Variants in CLIP1 observed in about 807,000 individuals in gnomAD.
CLIP1 encodes CAP-Gly domain-containing linker protein 1.
CLIP1 carries 66 observed loss-of-function variants against 161.6 expected under a neutral mutation model. That is an observed-to-expected ratio of 0.41 (90% confidence interval 0.33 to 0.50). CLIP1 has a LOEUF of 0.50. Ranked by LOEUF, CLIP1 falls within the 20% of genes least tolerant of loss-of-function variation. CLIP1 has a pLI of 0.27. For missense variants in CLIP1, 1,376 were observed against 1,702.0 expected (o/e 0.81, Z 3.37); for synonymous variants, 598 against 626.2 (o/e 0.96, Z 0.67).
At chr12:122,276,662 T>C in intron 24 of CLIP1, 1 of 334,466 alleles carries the variant, frequency 3.0e-6, no homozygotes, top group Middle Eastern at 8.8e-4. Flanking sequence ...TATTTAAATA[T>C]AAAATGTGGC....
intron 1 of CLIP1, among the ~76,000 whole-genome samples, chr12:122,408,324 A>AT (rs566938658): frequency 1.1e-4 from 17 of 151,580 alleles, no homozygotes; most frequent in Non-Finnish European, 2.4e-4. Flanking sequence ...AAATAACCAC[A>AT]TTTTTTTGAG....
chr12:122,276,601 C>T (rs528554255), intron 24 of CLIP1: 648 of 691,854 alleles, frequency 9.4e-4, no homozygotes, highest in Non-Finnish European at 1.2e-3. Flanking sequence ...TCGTTTTGTG[C>T]CCCTCAAAGG....
Position 122,355,400 on chromosome 12 carries a change from G to C in CLIP1, c.1006-88C>G. On this transcript the variant is annotated intron_variant, in intron 5 of 25. Coordinates refer to ENST00000620786, the MANE Select transcript of CLIP1 (RefSeq NM_001247997.2). The surrounding 1 kb of genome is among the most constrained non-coding windows in gnomAD (Gnocchi z 4.1). Reference sequence around the variant, plus strand: ...ATGCATGCATGGCGGGCATCTGCTCGGCAAAGCAAGGGCGCTGCTCCAGCT... The same window carrying C: ...ATGCATGCATGGCGGGCATCTGCTCCGCAAAGCAAGGGCGCTGCTCCAGCT... The C allele has an allele frequency of 8.3e-7, 1 of 1,198,536 alleles. No individual in the cohort carries two copies. Among genetic ancestry groups the C allele is most frequent in the East Asian group, 2.4e-5 (1 of 41,484 alleles). The allele number at this position is 1,198,536 out of a possible 1,614,324, so 74.2% of individuals were successfully genotyped here. A position where few individuals can be genotyped will look rare whatever the true frequency, so the allele number is the denominator to read the frequency against.
In CLIP1 at chr12:122,354,305, G is replaced by T; in HGVS notation, c.1307+148C>A. 3 of 511,494 alleles carry T rather than the reference G, an allele frequency of 5.9e-6. No individual in the cohort carries two copies. In the South Asian group the frequency reaches 6.2e-5, roughly 11 times the overall value. 31.7% of individuals were successfully genotyped at this position (511,494 alleles called of 1,614,324 possible). A position where few individuals can be genotyped will look rare whatever the true frequency, so the allele number is the denominator to read the frequency against. On this transcript the variant is annotated intron_variant, in intron 7 of 25. Transcript: ENST00000620786. ...AGCTACTTGGGAGGCTGAGGCAGGA[G>T]AATTGCTTGAACCTGGGAGGCAGAG...
chr12:122,360,852 T>C (rs1953748363), intron 5 of CLIP1, 107 bp downstream of exon 5: 1 of 900,136 alleles, frequency 1.1e-6, no homozygotes, highest in Non-Finnish European at 1.6e-6. Context: ...GTGAGCAACA[T>C]TCAGCACAAG....
At chr12:122,379,040 G>A (rs961252539) in intron 2 of CLIP1, among the ~76,000 whole-genome samples, 41 of 151,768 alleles carry the variant, frequency 2.7e-4, no homozygotes, top group Admixed American at 7.2e-4. Context: ...CAGGAGAATC[G>A]CTTGCACCTG....
At chr12:122,312,063 A>G (rs562293951) in intron 19 of CLIP1, among the ~76,000 whole-genome samples, 1 of 152,348 alleles carries the variant, frequency 6.6e-6, no homozygotes, top group African/African-American at 2.4e-5. Context: ...AAATATTTCT[A>G]ATGGTTTTTA....
chr12:122,274,110 A>C lies in CLIP1; in HGVS notation c.4019T>G (p.Leu1340Arg), dbSNP rs1359960729. 5.0e-6 allele frequency: 8 copies of C among 1,612,176 alleles called. No homozygotes were observed. The highest frequency in any genetic ancestry group is 6.8e-6 in the Non-Finnish European group (8 of 1,178,376). The change falls in exon 25 of 26, where the codon CTC becomes CGC. Residue 1340 changes from leucine (L) to arginine (R), a missense_variant. Physicochemically the swap from Leu to Arg is moderately radical, Grantham distance 102. Around this residue, in one of 6 missense-constraint regions of CLIP1, gnomAD observed 948 missense variants for 1,134.8 expected, o/e 0.84. Transcript: ENST00000620786. ...TGACATCATCTCCACCTTCATCTTG[A>C]GGTCTTGATTCTTCCTTTGAAGGTC... ...IVDLQRKNQD[L>R]KMKVEMMSEA...
rs751767143 is a variant in CLIP1 at position 122,341,448 on chromosome 12, T to C, written c.1756A>G (p.Lys586Glu). Residue 586 changes from lysine to glutamate, a missense_variant, in exon 11 of 26, where the codon AAG becomes GAG. Physicochemically the swap from Lys to Glu is moderately conservative, Grantham distance 56. Transcript: ENST00000620786. ...GCGGTATACAGAGCCTTTATCTCCTTCTGATGAGTTTCTTCCCGGGCTCCA... is the reference window on the plus strand; with the variant it reads ...GCGGTATACAGAGCCTTTATCTCCTCCTGATGAGTTTCTTCCCGGGCTCCA... ...HFGAREETHQ[K>E]EIKALYTATE... The C allele has an allele frequency of 1.3e-5, 21 of 1,613,696 alleles. No homozygotes were observed. The Admixed American group carries it at 3.0e-4, about 23-fold the overall frequency.
At chr12:122,338,212 C>A (rs1002321254) in intron 11 of CLIP1, among the ~76,000 whole-genome samples, 2 of 151,960 alleles carry the variant, frequency 1.3e-5, no homozygotes, top group Non-Finnish European at 2.9e-5. Context: ...GTGGCACACA[C>A]CTGTGATCCC....
chr12:122,325,646 T>C (rs550642281), intron 17 of CLIP1, among the ~76,000 whole-genome samples: 2 of 127,000 alleles, frequency 1.6e-5, no homozygotes, highest in East Asian at 2.1e-4. Context: ...TATTCCCATA[T>C]TAAGGTTTTT....
At chr12:122,364,405 CTTT>C (rs35729680) in intron 3 of CLIP1, among the ~76,000 whole-genome samples, 28 of 137,854 alleles carry the variant, frequency 2.0e-4, no homozygotes, top group Non-Finnish European at 2.6e-4. Flanking sequence ...TTAGAAAATA[CTTT>C]TTTTTTTTTT....
At chr12:122,276,371 A>G (rs1163551260) in intron 24 of CLIP1, 1 of 669,942 alleles carries the variant, frequency 1.5e-6, no homozygotes, top group Admixed American at 4.3e-5. Flanking sequence ...GGACATAAGT[A>G]TAGTGGGAAA....
In CLIP1 at chr12:122,390,320, T is replaced by A. The variant is rs1483643250; in HGVS notation, c.-106-9762A>T. Reference sequence around the variant, plus strand: ...TATATATATGTATATATATATATATTATTTTTTTTTTAAACGGAGTCTCGC... The same window carrying A: ...TATATATATGTATATATATATATATAATTTTTTTTTTAAACGGAGTCTCGC... On this transcript the variant is annotated intron_variant, in intron 1 of 25. Coordinates refer to ENST00000620786, the MANE Select transcript of CLIP1 (RefSeq NM_001247997.2). 3.0e-4 allele frequency among the ~76,000 whole-genome samples: 38 copies of A among 124,736 alleles called. 1 individual carries two copies. Among genetic ancestry groups the A allele is most frequent in the African/African-American group, 1.0e-3 (34 of 32,762 alleles). The allele number at this position is 124,736 out of a possible 152,430, so 81.8% of individuals were successfully genotyped here.
chr12:122,340,909 C>T lies in CLIP1; in HGVS notation c.2295G>A (p.Gln765=). The T allele has an allele frequency of 6.2e-7, 1 of 1,614,188 alleles. No homozygotes were observed. Among genetic ancestry groups the T allele is most frequent in the South Asian group, 1.1e-5 (1 of 91,076 alleles). ...AGAGCTTTTCTTCAGTAGCCTTGAG[C>T]TGTGATGTAAAATTATCAATAACCT... ...QTKVIDNFTS[Q]LKATEEKLLD... is the part of the protein sequence containing the mutation. Residue 765 remains glutamine (Q), a synonymous_variant, in exon 11 of 26, where the codon CAG becomes CAA. Transcript: ENST00000620786.
In CLIP1 at chr12:122,274,115, T is replaced by C. The variant is rs777556700; in HGVS notation, c.4014A>G (p.Gln1338=). 3 of 1,610,772 alleles carry C rather than the reference T, an allele frequency of 1.9e-6. No homozygotes were observed. The highest frequency in any genetic ancestry group is 2.5e-6 in the Non-Finnish European group (3 of 1,177,108). The change falls in exon 25 of 26, where the codon CAA becomes CAG. Residue 1338 remains glutamine, a synonymous_variant. Coordinates refer to ENST00000620786, the MANE Select transcript of CLIP1 (RefSeq NM_001247997.2). Reference sequence around the variant, plus strand: ...TCATCTCCACCTTCATCTTGAGGTCTTGATTCTTCCTTTGAAGGTCCACTA... The same window carrying C: ...TCATCTCCACCTTCATCTTGAGGTCCTGATTCTTCCTTTGAAGGTCCACTA... ...SVIVDLQRKN[Q]DLKMKVEMMS...
intron 3 of CLIP1, among the ~76,000 whole-genome samples, chr12:122,374,496 G>A (rs554181401): frequency 1.3e-5 from 2 of 152,016 alleles, no homozygotes; most frequent in Non-Finnish European, 2.9e-5. Context: ...AGGCGCGGTG[G>A]CTCACACCTG....
At position 122,276,113 on chromosome 12, in the gene CLIP1, T is replaced by C. The variant is rs7963909; in HGVS notation, c.3967-1951A>G. 4.2e-3 allele frequency among the ~76,000 whole-genome samples: 639 copies of C among 152,318 alleles called. 1 individual carries two copies. Among genetic ancestry groups the C allele is most frequent in the African/African-American group, 0.014 (596 of 41,572 alleles). Reference sequence around the variant, plus strand: ...CCCACTTTACAATATTTAAAATATATATAGATATACACACACATATACATA... The same window carrying C: ...CCCACTTTACAATATTTAAAATATACATAGATATACACACACATATACATA... On this transcript the variant is annotated intron_variant, in intron 24 of 25. Transcript: ENST00000620786.
intron 4 of CLIP1, 106 bp from the exon 5 acceptor site, chr12:122,361,287 A>G: frequency 1.1e-6 from 1 of 945,494 alleles, no homozygotes; most frequent in Non-Finnish European, 1.6e-6. Flanking sequence ...GGATTCCTGG[A>G]AATTCTACAG....
Sources: gnomAD v4.1 joint callset for allele counts (sites outside exome capture counted in the v4.1 genomes callset) on GRCh38, gnomAD v4.1.1 for gene constraint, gnomAD v4.1.1 regional missense constraint, Gnocchi (gnomAD v3.1) non-coding constraint, MANE v1.5 for transcripts, NCBI Gene and HGNC (gene_info 2026-07-23, HGNC 2026-07-21) for gene names.